The following ASMTL variants were observed in gnomAD, a reference collection of about 807,000 sequenced individuals.
The protein encoded by ASMTL is acetylserotonin O-methyltransferase like.
A neutral mutation model predicts 60.3 loss-of-function variants in ASMTL; 57 were observed. The observed-to-expected ratio is 0.95, with a 90% CI of 0.76 to 1.18. The LOEUF is 1.18. Ranked by LOEUF, ASMTL falls within the 50% of genes most tolerant of loss-of-function variation. The pLI is 0.00. For missense variants in ASMTL, 981 were observed against 852.6 expected (o/e 1.15, Z -1.88); for synonymous variants, 419 against 373.0 (o/e 1.12, Z -1.42).
chrX:1,450,010 A>ACTAT lies in ASMTL; in HGVS notation c.93+2734_93+2737dup, dbSNP rs1169938591. 2.0e-5 allele frequency among the ~76,000 whole-genome samples: 3 copies of ACTAT among 147,240 alleles called. No homozygotes were observed. The East Asian group carries it at 6.1e-4, about 30-fold the overall frequency. On this transcript the variant is annotated intron_variant, in intron 1 of 12. Transcript: ENST00000381317. ...CGGTAACTACGCCCCATCACCAGTAACTATCTCCCATCACCAGTAACTATC... is the reference window on the plus strand; with the variant it reads ...CGGTAACTACGCCCCATCACCAGTAACTATCTATCTCCCATCACCAGTAACTATC...
chrX:1,419,147 G>A, intron 9 of ASMTL, 33 bp from the exon 10 acceptor site: 1 of 1,607,684 alleles, frequency 6.2e-7, no homozygotes, highest in Non-Finnish European at 8.5e-7. Context: ...GGGCACCAGA[G>A]AACACGGGGC....
chrX:1,405,545 GGATGGATGGATAGATGGATGCATGCATGA>G (rs1261962872), intron 12 of ASMTL, among the ~76,000 whole-genome samples: 2 of 121,658 alleles, frequency 1.6e-5, no homozygotes, highest in African/African-American at 2.6e-5. Context: ...GTAGGTAGAC[GGATGGATGGATAGATGGATGCATGCATGA>G]GATGGATGGA....
At chrX:1,442,402 A>G (rs2091128718) in intron 1 of ASMTL, 85 bp from the exon 2 acceptor site, 2 of 1,514,934 alleles carry the variant, frequency 1.3e-6, no homozygotes, top group Admixed American at 1.8e-5. Flanking sequence ...CAGGACGCAC[A>G]TAGCGTTTGC....
At chrX:1,432,477 C>T (rs1603451349) in intron 5 of ASMTL, 100 bp from the exon 6 acceptor site, 3 of 838,100 alleles carry the variant, frequency 3.6e-6, no homozygotes, top group Non-Finnish European at 4.0e-6. Flanking sequence ...TACTCGAGCG[C>T]AGCGCACAGT....
At chrX:1,443,541 A>G (rs1450775457) in intron 1 of ASMTL, among the ~76,000 whole-genome samples, 3 of 150,112 alleles carry the variant, frequency 2.0e-5, no homozygotes, top group Admixed American at 6.6e-5. Flanking sequence ...GCCATCTTGG[A>G]CAGACACCTC....
At chrX:1,433,388 G>A (rs367699511) in intron 5 of ASMTL, among the ~76,000 whole-genome samples, 142 of 146,768 alleles carry the variant, frequency 9.7e-4, no homozygotes, top group African/African-American at 3.5e-3. Context: ...AGAAGGGACC[G>A]CGCGCGGTGG....
intron 12 of ASMTL, 117 bp downstream of exon 12, chrX:1,412,615 G>A (rs1295338572): frequency 3.1e-5 from 43 of 1,394,538 alleles, no homozygotes; most frequent in East Asian, 4.6e-5. Flanking sequence ...CGCCCGCCTC[G>A]GCCTCCCAAA....
In ASMTL at chrX:1,428,042, C is replaced by A. The variant is rs1270745122; in HGVS notation, c.589G>T (p.Val197Leu). 1 of 1,613,730 alleles carries A rather than the reference C, an allele frequency of 6.2e-7. No homozygotes were observed. The highest frequency in any genetic ancestry group is 8.5e-7 in the Non-Finnish European group (1 of 1,179,864). ...ESVHGDFLNV[V>L]GFPLNHFCKQ... is the part of the protein sequence containing the mutation. ...CAGAAGTGGTTCAGCGGGAATCCCACCACGTTCAGAAAGTCCCCGTGTACG... is the reference window on the plus strand; with the variant it reads ...CAGAAGTGGTTCAGCGGGAATCCCAACACGTTCAGAAAGTCCCCGTGTACG... The change falls in exon 7 of 13, where the codon GTG becomes TTG. Residue 197 changes from valine to leucine, a missense_variant. Val to Leu is a conservative substitution (Grantham distance 32). Transcript: ENST00000381317.
At chrX:1,435,412 G>C in intron 4 of ASMTL, 1 of 606,376 alleles carries the variant, frequency 1.6e-6, no homozygotes, top group Non-Finnish European at 2.9e-6. Flanking sequence ...GGTCCAGGAT[G>C]CCCAGTGGGA....
chrX:1,432,245 C>T (rs776094252), intron 6 of ASMTL, 24 bp downstream of exon 6: 9 of 1,553,520 alleles, frequency 5.8e-6, no homozygotes, highest in South Asian at 3.4e-5. Context: ...TGTCCCCCGT[C>T]CCCCCACCGC....
chrX:1,420,483 T>C (rs1321709806), intron 9 of ASMTL, among the ~76,000 whole-genome samples: 2 of 152,160 alleles, frequency 1.3e-5, no homozygotes, highest in African/African-American at 4.8e-5. Context: ...CCTGACTCCG[T>C]GCTCACTGCC....
At chrX:1,451,590 T>C (rs2091385848) in intron 1 of ASMTL, among the ~76,000 whole-genome samples, 1 of 107,270 alleles carries the variant, frequency 9.3e-6, no homozygotes, top group Non-Finnish European at 1.9e-5. Flanking sequence ...GGTCACTCCC[T>C]GCAACCCCAT....
In ASMTL at chrX:1,439,061, C is replaced by G. The variant is rs753677906; in HGVS notation, c.273+36G>C. 6.4e-5 allele frequency: 103 copies of G among 1,610,210 alleles called. 2 individuals carry two copies. In the South Asian group the frequency reaches 1.1e-3, roughly 17 times the overall value. On this transcript the variant is annotated intron_variant, in intron 3 of 12. Coordinates refer to ENST00000381317, the MANE Select transcript of ASMTL (RefSeq NM_004192.4). Reference sequence around the variant, plus strand: ...ATCACCAAGCACAGGAAAACCACATCGGACATTAGAAACGAGGCACCCTGG... The same window carrying G: ...ATCACCAAGCACAGGAAAACCACATGGGACATTAGAAACGAGGCACCCTGG...
At chrX:1,415,266 T>C (rs1349642863) in intron 11 of ASMTL, among the ~76,000 whole-genome samples, 7 of 113,076 alleles carry the variant, frequency 6.2e-5, no homozygotes, top group Non-Finnish European at 9.9e-5. Flanking sequence ...CACCTGGAAG[T>C]TCTCCTTCAA....
rs1218501197 is a variant in ASMTL, at chrX:1,419,982, TTC to T, written c.1246-870_1246-869del. Among the ~76,000 whole-genome samples, 55 of 151,612 alleles carry T rather than the reference TTC, an allele frequency of 3.6e-4. No homozygotes were observed. In the East Asian group the frequency reaches 4.1e-3, roughly 11 times the overall value. On this transcript the variant is annotated intron_variant, in intron 9 of 12. Transcript: ENST00000381317. ...CGTCTGTGTGTCTCTGTCTTCCTCT[TTC>T]TCTCTCTCTGTTTCTGTCTCCTGTC...
At chrX:1,414,695 G>A (rs1316400686) in intron 11 of ASMTL, among the ~76,000 whole-genome samples, 3 of 152,098 alleles carry the variant, frequency 2.0e-5, no homozygotes, top group Admixed American at 6.6e-5. Flanking sequence ...GTGACAGAGC[G>A]AGACACCATT....
intron 1 of ASMTL, among the ~76,000 whole-genome samples, chrX:1,451,104 C>A (rs1203846180): frequency 6.8e-6 from 1 of 147,348 alleles, no homozygotes; most frequent in African/African-American, 2.5e-5. Flanking sequence ...TCCCCCATCC[C>A]TAGGCGGTCC....
intron 5 of ASMTL, among the ~76,000 whole-genome samples, chrX:1,432,772 T>G (rs1372736904): frequency 1.3e-5 from 2 of 151,980 alleles, no homozygotes; most frequent in African/African-American, 4.8e-5. Flanking sequence ...CAGGTTGCAG[T>G]GAGCCGAGAT....
At chrX:1,433,626 G>T (rs1311112934) in intron 5 of ASMTL, among the ~76,000 whole-genome samples, 1 of 151,798 alleles carries the variant, frequency 6.6e-6, no homozygotes, top group East Asian at 1.9e-4. Flanking sequence ...CTTGCAGTGA[G>T]CCGAGATGGC....
Sources: allele counts gnomAD v4.1 joint callset (sites outside exome capture counted in the v4.1 genomes callset), GRCh38; gene constraint gnomAD v4.1.1; transcripts MANE v1.5; gene names NCBI Gene and HGNC (gene_info 2026-07-23, HGNC 2026-07-21).